The following SLIT2 variants were observed in gnomAD, a reference collection of about 807,000 sequenced individuals.
SLIT2 encodes the protein slit guidance ligand 2.
A neutral mutation model predicts 185.7 loss-of-function variants in SLIT2; 41 were observed. The observed-to-expected ratio is 0.22, with a 90% confidence interval of 0.17 to 0.29. The LOEUF is 0.29. Ranked by LOEUF, SLIT2 falls within the 10% of genes least tolerant of loss-of-function variation. The pLI, the probability that SLIT2 is intolerant of heterozygous loss-of-function variation, is 1.00. For synonymous variants in SLIT2, 693 were observed against 680.2 expected (o/e 1.02, Z -0.29); for missense variants, 1,571 against 1,909.0 (o/e 0.82, Z 3.30).
chr4:20,441,512 C>T (rs563153474), intron 4 of SLIT2, among the ~76,000 whole-genome samples: 6 of 131,070 alleles, frequency 4.6e-5, no homozygotes, highest in Non-Finnish European at 1.0e-4. Flanking sequence ...CGCCCCCCCC[C>T]ACTTCTGTCT....
At chr4:20,321,030 C>T (rs1335334984) in intron 4 of SLIT2, among the ~76,000 whole-genome samples, 1 of 152,076 alleles carries the variant, frequency 6.6e-6, no homozygotes, top group Admixed American at 6.5e-5. Flanking sequence ...GTGGTGTGCA[C>T]CTGTAATCCA....
rs1577774585 is a variant in SLIT2, at chr4:20,491,798, G to T, written c.813G>T (p.Leu271Phe). The T allele has an allele frequency of 6.2e-7, 1 of 1,613,148 alleles. No individual in the cohort carries two copies. The highest frequency in any genetic ancestry group is 2.2e-5 in the East Asian group (1 of 44,812). Residue 271 changes from leucine to phenylalanine, a missense_variant, in exon 9 of 37, where the codon TTG (leucine) becomes TTT (phenylalanine). Coordinates refer to ENST00000504154, the MANE Select transcript of SLIT2 (RefSeq NM_004787.4). Reference protein sequence around the residue: ...QSFMAPSCSVLHCPAACTCSN... With the variant: ...QSFMAPSCSVFHCPAACTCSN... ...TTATGGCTCCTTCTTGTAGTGTTTT[G>T]CACTGCCCTGCCGCCTGTACCTGTA...
intron 4 of SLIT2, among the ~76,000 whole-genome samples, chr4:20,317,232 A>T (rs945527595): frequency 2.0e-5 from 3 of 151,934 alleles, no homozygotes; most frequent in Admixed American, 6.6e-5. Context: ...ATTAATGATG[A>T]CATGGTATAT....
At chr4:20,602,153 T>C (rs1025081894) in intron 33 of SLIT2, among the ~76,000 whole-genome samples, 2 of 152,148 alleles carry the variant, frequency 1.3e-5, no homozygotes, top group African/African-American at 2.4e-5. Context: ...TTTATGAAAT[T>C]ATCTCTAGAC....
At chr4:20,493,329 ATAAAG>A (rs3836696) in intron 9 of SLIT2, among the ~76,000 whole-genome samples, 17,343 of 152,158 alleles carry the variant, frequency 0.11, 1,295 homozygotes, top group South Asian at 0.23. Flanking sequence ...ATTAGATGTG[ATAAAG>A]TAAAGAGTAG....
chr4:20,510,713 A>G (rs1332466482), intron 10 of SLIT2, 147 bp downstream of exon 10: 5 of 571,198 alleles, frequency 8.8e-6, no homozygotes, highest in Non-Finnish European at 1.5e-5. Flanking sequence ...CTCTGTAATA[A>G]TATTTTAATC....
At chr4:20,275,774 A>G (rs1177618615) in intron 4 of SLIT2, among the ~76,000 whole-genome samples, 1 of 152,174 alleles carries the variant, frequency 6.6e-6, no homozygotes, top group Non-Finnish European at 1.5e-5. Context: ...TCATCTATAA[A>G]ATAAATTACA....
rs1345676358 is a variant in SLIT2 at position 20,617,152 on chromosome 4, G to A, written c.4090G>A (p.Gly1364Arg). The A allele has an allele frequency of 6.2e-7, 1 of 1,606,802 alleles. No individual in the cohort carries two copies. Among genetic ancestry groups the A allele is most frequent in the East Asian group, 2.2e-5 (1 of 44,632 alleles). Residue 1364 changes from glycine (G) to arginine (R), a missense_variant, in exon 35 of 37, where the codon GGG becomes AGG. By Grantham distance (125) the Gly-to-Arg change is moderately radical. Transcript: ENST00000504154. ...FTCECQEGWM[G>R]PLCDQRTNDP... is the part of the protein sequence containing the mutation. ...CTGCGAGTGCCAGGAAGGATGGATGGGGCCCCTCTGTGACCAACGGACCAA... is the reference window on the plus strand; with the variant it reads ...CTGCGAGTGCCAGGAAGGATGGATGAGGCCCCTCTGTGACCAACGGACCAA...
At chr4:20,366,461 T>C (rs534183042) in intron 4 of SLIT2, among the ~76,000 whole-genome samples, 5 of 152,280 alleles carry the variant, frequency 3.3e-5, no homozygotes, top group African/African-American at 9.6e-5. Context: ...AATAGTAAGA[T>C]TGGCTATGAA....
chr4:20,619,040 AG>A lies in SLIT2; in HGVS notation c.*33del, dbSNP rs1729900990. The A allele has an allele frequency of 3.1e-6, 5 of 1,600,766 alleles. No homozygotes were observed. Among genetic ancestry groups the A allele is most frequent in the Non-Finnish European group, 3.4e-6 (4 of 1,169,240 alleles). Reference sequence around the variant, plus strand: ...CTCCCGGCAGCTCTGTCTTTGGAAAAGGTTGTATACTTCTTGACCGTGTGGG... The same window carrying A: ...CTCCCGGCAGCTCTGTCTTTGGAAAAGTTGTATACTTCTTGACCGTGTGGG... On this transcript the variant is annotated 3_prime_UTR_variant, in exon 37 of 37. Coordinates refer to ENST00000504154, the MANE Select transcript of SLIT2 (RefSeq NM_004787.4).
chr4:20,295,225 C>T (rs1210648978), intron 4 of SLIT2, among the ~76,000 whole-genome samples: 1 of 152,112 alleles, frequency 6.6e-6, no homozygotes, highest in Non-Finnish European at 1.5e-5. Flanking sequence ...AAAATAATTA[C>T]TTATAAAATA....
intron 18 of SLIT2, among the ~76,000 whole-genome samples, chr4:20,538,090 G>A (rs1487169740): frequency 1.3e-5 from 2 of 152,162 alleles, no homozygotes; most frequent in Non-Finnish European, 2.9e-5. Flanking sequence ...CTCCTGAGTA[G>A]CTGGGACTAC....
At chr4:20,497,145 C>A (rs1282217197) in intron 9 of SLIT2, among the ~76,000 whole-genome samples, 1 of 151,022 alleles carries the variant, frequency 6.6e-6, no homozygotes, top group Non-Finnish European at 1.5e-5. Context: ...ATTTAATCAT[C>A]TTACAGATGT....
chr4:20,371,375 T>C (rs1239015652), intron 4 of SLIT2, among the ~76,000 whole-genome samples: 1 of 152,006 alleles, frequency 6.6e-6, no homozygotes, highest in East Asian at 1.9e-4. Flanking sequence ...ACACACACTT[T>C]TGAGTGTTGT....
rs946039602 is a variant in SLIT2 at position 20,252,140 on chromosome 4, C to T, written c.-1676C>T. Among the ~76,000 whole-genome samples the T allele has an allele frequency of 5.7e-4, 86 of 150,964 alleles. No homozygotes were observed. Among genetic ancestry groups the T allele is most frequent in the Non-Finnish European group, 8.9e-4 (60 of 67,584 alleles). On this transcript the variant is annotated 5_prime_UTR_variant, in exon 1 of 37. Coordinates refer to ENST00000504154, the MANE Select transcript of SLIT2 (RefSeq NM_004787.4). The stretch of plus-strand genomic sequence containing the variant: ...AAGGGGAGCGCCGGGGGCCCGCAGC[C>T]GGCTCCGGAGGCGCGGGCCGGGTTT...
chr4:20,514,599 T>C (rs2148831589), intron 11 of SLIT2, among the ~76,000 whole-genome samples: 1 of 152,154 alleles, frequency 6.6e-6, no homozygotes, highest in Admixed American at 6.6e-5. Flanking sequence ...GAGCCAAGAT[T>C]GCACCACTGC....
intron 4 of SLIT2, among the ~76,000 whole-genome samples, chr4:20,344,269 T>C (rs903159328): frequency 3.9e-5 from 6 of 152,190 alleles, no homozygotes; most frequent in Non-Finnish European, 5.9e-5. Context: ...TCTGATAAAG[T>C]TGACAATGAT....
intron 4 of SLIT2, among the ~76,000 whole-genome samples, chr4:20,345,471 C>A (rs1285365529): frequency 1.3e-5 from 2 of 151,542 alleles, no homozygotes; most frequent in Non-Finnish European, 2.9e-5. Flanking sequence ...TGGCTCTTTC[C>A]TGGTCTGGAA....
chr4:20,510,195 C>T (rs1294951495), intron 9 of SLIT2, among the ~76,000 whole-genome samples: 1 of 152,010 alleles, frequency 6.6e-6, no homozygotes, highest in African/African-American at 2.4e-5. Flanking sequence ...AAATGTACTC[C>T]TAAGTTAGTT....
Sources: allele counts gnomAD v4.1 joint callset (sites outside exome capture counted in the v4.1 genomes callset), GRCh38; gene constraint gnomAD v4.1.1; transcripts MANE v1.5; gene names NCBI Gene and HGNC (gene_info 2026-07-23, HGNC 2026-07-21).